Variants in ASTN2 observed in about 807,000 individuals in gnomAD.
ASTN2 encodes astrotactin 2.
Under a neutral mutation model 139.8 loss-of-function variants are expected in ASTN2, and 54 were observed. The ratio of observed to expected loss-of-function variants is 0.39; its 90% CI spans 0.31 to 0.48. The LOEUF is 0.48. Among genes scored for constraint, ASTN2 ranks in the 20% least tolerant of loss-of-function variants. ASTN2 has a pLI of 0.95. For synonymous variants in ASTN2, 756 were observed against 719.5 expected, an observed-to-expected ratio of 1.05 and a Z score of -0.81; for missense variants, 1,565 against 1,725.1, an observed-to-expected ratio of 0.91 and a Z score of 1.64.
At chr9:116,512,213 G>A (rs533902137) in intron 19 of ASTN2, among the ~76,000 whole-genome samples, 106 of 152,162 alleles carry the variant, frequency 7.0e-4, no homozygotes, top group African/African-American at 2.3e-3. Flanking sequence ...CTTTGTTCTC[G>A]TTGATTTCAA....
chr9:117,296,668 T>C (rs1834745290), intron 1 of ASTN2, among the ~76,000 whole-genome samples: 1 of 152,230 alleles, frequency 6.6e-6, no homozygotes, highest in Non-Finnish European at 1.5e-5. Context: ...ACATGATGAA[T>C]ATAAAATGAA....
intron 10 of ASTN2, among the ~76,000 whole-genome samples, chr9:116,918,341 G>T (rs1272743905): frequency 6.6e-6 from 1 of 152,140 alleles, no homozygotes; most frequent in Admixed American, 6.6e-5. Context: ...GGCACAGGGG[G>T]CAGCCTCATA....
At chr9:117,406,168 C>T (rs546909337) in intron 1 of ASTN2, among the ~76,000 whole-genome samples, 1 of 152,292 alleles carries the variant, frequency 6.6e-6, no homozygotes, top group African/African-American at 2.4e-5. Context: ...GGTACATTAG[C>T]TGCTCACAGG....
chr9:116,549,826 C>G lies in ASTN2; in HGVS notation c.3356-62326G>C, dbSNP rs149088904. Among the ~76,000 whole-genome samples the G allele has an allele frequency of 1.3e-4, 20 of 152,234 alleles. No individual in the cohort carries two copies. The East Asian group carries it at 3.5e-3, about 27-fold the overall frequency. On this transcript the variant is annotated intron_variant, in intron 19 of 22. Transcript: ENST00000313400. ...GGCATCTGAGGCCTCCCAAGTCTGG[C>G]CCTGTAATATCTCTCTACTCATGGT... is the stretch of plus-strand genomic sequence containing the variant.
In ASTN2 at chr9:117,008,162, G is replaced by T. The variant is rs542968159; in HGVS notation, c.1521C>A (p.Ser507=). The T allele has an allele frequency of 6.2e-7, 1 of 1,611,268 alleles. No individual in the cohort carries two copies. The highest frequency in any genetic ancestry group is 1.3e-5 in the African/African-American group (1 of 74,896). Residue 507 remains serine, a synonymous_variant, in exon 7 of 23, where the codon TCC becomes TCA. Coordinates refer to ENST00000313400, the MANE Select transcript of ASTN2 (RefSeq NM_001365068.1). ...GTCCACAGAGGTCCCTCACCCATGGGGAGGTGGCATTGATCTGGTAATACA... is the reference window on the plus strand; with the variant it reads ...GTCCACAGAGGTCCCTCACCCATGGTGAGGTGGCATTGATCTGGTAATACA... The part of the protein sequence containing the change: ...LSLYYQINAT[S]PWVRDLCGQR...
chr9:117,037,305 C>T (rs9697192), intron 6 of ASTN2, among the ~76,000 whole-genome samples: 22,343 of 150,120 alleles, frequency 0.15, 1,979 homozygotes, highest in African/African-American at 0.25. Flanking sequence ...ATCATCAAGA[C>T]GGTTTGCCGC....
chr9:117,298,113 A>G (rs1423818157), intron 1 of ASTN2, among the ~76,000 whole-genome samples: 2 of 152,082 alleles, frequency 1.3e-5, no homozygotes, highest in East Asian at 3.9e-4. Flanking sequence ...ATTGCTCAAA[A>G]CCCTCCAATG....
At chr9:116,615,374 G>C (rs1274913196) in intron 19 of ASTN2, among the ~76,000 whole-genome samples, 1 of 151,750 alleles carries the variant, frequency 6.6e-6, no homozygotes, top group Non-Finnish European at 1.5e-5. Flanking sequence ...CCCATTACTG[G>C]GTATATACCC....
intron 16 of ASTN2, among the ~76,000 whole-genome samples, chr9:116,683,904 C>T (rs1006614950): frequency 3.3e-5 from 5 of 152,184 alleles, no homozygotes; most frequent in South Asian, 2.1e-4. Flanking sequence ...GAATGGCATG[C>T]TTCCTTCAAA....
chr9:116,472,630 G>A (rs981030912), intron 20 of ASTN2, among the ~76,000 whole-genome samples: 4 of 152,100 alleles, frequency 2.6e-5, no homozygotes, highest in East Asian at 3.9e-4. Flanking sequence ...CTGGCCAGGC[G>A]TGGTAGCTCA....
Position 116,566,896 on chromosome 9 carries a change from C to G in ASTN2, c.3355+51428G>C, listed in dbSNP as rs9409181. 9.5e-4 allele frequency among the ~76,000 whole-genome samples: 145 copies of G among 152,132 alleles called. 2 individuals are homozygous for G. Among genetic ancestry groups the G allele is most frequent in the African/African-American group, 3.3e-3 (136 of 41,522 alleles). ...TCCTTCACACAGGGTCAGACTCCCCCCAACCTGATGGCTCCCACCCAGCCT... is the reference window on the plus strand; with the variant it reads ...TCCTTCACACAGGGTCAGACTCCCCGCAACCTGATGGCTCCCACCCAGCCT... On this transcript the variant is annotated intron_variant, in intron 19 of 22. Coordinates refer to ENST00000313400, the MANE Select transcript of ASTN2 (RefSeq NM_001365068.1).
At chr9:116,888,266 T>A (rs1235608528) in intron 10 of ASTN2, among the ~76,000 whole-genome samples, 1 of 151,900 alleles carries the variant, frequency 6.6e-6, no homozygotes, top group Non-Finnish European at 1.5e-5. Context: ...TGAGACCTTG[T>A]CTCAAGAAAA....
chr9:116,903,822 T>A (rs990973428), intron 10 of ASTN2, among the ~76,000 whole-genome samples: 1 of 152,168 alleles, frequency 6.6e-6, no homozygotes, highest in African/African-American at 2.4e-5. Context: ...AAAAGGCCTG[T>A]TTACCTCTAC....
At chr9:116,487,538 G>A in intron 19 of ASTN2, 38 bp from the exon 20 acceptor site, 1 of 1,597,562 alleles carries the variant, frequency 6.3e-7, no homozygotes, top group Non-Finnish European at 8.5e-7. Flanking sequence ...CCCCAGCTCA[G>A]GCCATAGTGA....
chr9:117,233,426 G>C (rs1239597231), intron 2 of ASTN2, among the ~76,000 whole-genome samples: 1 of 152,154 alleles, frequency 6.6e-6, no homozygotes, highest in Non-Finnish European at 1.5e-5. Context: ...CTGACTCCCA[G>C]GGTGGTTGGG....
intron 13 of ASTN2, among the ~76,000 whole-genome samples, chr9:116,740,068 G>C (rs928656888): frequency 1.3e-5 from 2 of 152,228 alleles, no homozygotes; most frequent in Non-Finnish European, 2.9e-5. Context: ...GGGCCACTGA[G>C]TGAGTGGGAC....
Position 116,805,734 on chromosome 9 carries a change from G to T in ASTN2, c.2294C>A (p.Pro765His). The change falls in exon 13 of 23, where the codon CCT (proline) becomes CAT (histidine). Residue 765 changes from proline (P) to histidine (H), a missense_variant. Transcript: ENST00000313400. Reference protein sequence around the residue: ...DVCEGPKCLKPDSKFNDTLFG... With the variant: ...DVCEGPKCLKHDSKFNDTLFG... ...GAGGGTATCATTGAATTTGGAGTCA[G>T]GTTTGAGGCACTTGGGGCCCTCGCA... 1 of 1,613,972 alleles carries T rather than the reference G, an allele frequency of 6.2e-7. No individual in the cohort carries two copies. Among genetic ancestry groups the T allele is most frequent in the Non-Finnish European group, 8.5e-7 (1 of 1,179,858 alleles).
chr9:117,346,284 G>A lies in ASTN2; in HGVS notation c.443-54771C>T, dbSNP rs560553521. 2.6e-5 allele frequency among the ~76,000 whole-genome samples: 4 copies of A among 152,214 alleles called. 1 individual carries two copies. Among genetic ancestry groups the A allele is most frequent in the East Asian group, 1.9e-4 (1 of 5,174 alleles). ...AACACTAGGAAACAGTATAACCAAC[G>A]TAGAGTTTACTAACTTCTGTGCTAA... On this transcript the variant is annotated intron_variant, in intron 1 of 22. Transcript: ENST00000313400.
At chr9:116,728,265 T>C (rs1490329199) in intron 15 of ASTN2, among the ~76,000 whole-genome samples, 1 of 152,104 alleles carries the variant, frequency 6.6e-6, no homozygotes, top group African/African-American at 2.4e-5. Flanking sequence ...GATTCCAATA[T>C]AAATCAAGGA....
Sources: allele counts gnomAD v4.1 joint callset (sites outside exome capture counted in the v4.1 genomes callset), GRCh38; gene constraint gnomAD v4.1.1; transcripts MANE v1.5; gene names NCBI Gene and HGNC (gene_info 2026-07-23, HGNC 2026-07-21).